NEUROD4: variants seen among roughly 807,000 people sequenced by gnomAD.
NEUROD4 encodes the protein neuronal differentiation 4, also known as neurogenic differentiation factor 4.
A neutral mutation model predicts 19.8 loss-of-function variants in NEUROD4; 16 were observed. The observed-to-expected ratio is 0.81, with a 90% CI of 0.55 to 1.23. The LOEUF (loss-of-function observed/expected upper bound fraction) is 1.23, where lower values mean the gene tolerates loss of function less well. Among genes scored for constraint, NEUROD4 ranks in the 50% most tolerant of loss-of-function variants. The pLI, the probability that NEUROD4 is intolerant of heterozygous loss-of-function variation, is 0.00. For synonymous variants in NEUROD4, 153 were observed against 147.9 expected, an observed-to-expected ratio of 1.03 and a Z score of -0.25; for missense variants, 439 against 398.6, an observed-to-expected ratio of 1.10 and a Z score of -0.86.
In NEUROD4 at chr12:55,024,629, C is replaced by T. The variant is rs192783923; in HGVS notation, c.-9-1802C>T. ...CAGAAAGTTAATTAGGTTCTTTACC[C>T]TCCCTCTGGATATCTGCCTGAGTTA... On this transcript the variant is annotated intron_variant, in intron 1 of 1. Coordinates refer to ENST00000242994, the MANE Select transcript of NEUROD4 (RefSeq NM_021191.3). Among the ~76,000 whole-genome samples the T allele has an allele frequency of 4.1e-3, 623 of 152,318 alleles. 1 individual carries two copies. Among genetic ancestry groups the T allele is most frequent in the Middle Eastern group, 6.8e-3 (2 of 294 alleles).
At chr12:55,022,556 G>A (rs1376361225) in intron 1 of NEUROD4, among the ~76,000 whole-genome samples, 1 of 152,062 alleles carries the variant, frequency 6.6e-6, no homozygotes, top group African/African-American at 2.4e-5. Context: ...TCAGAGCTCT[G>A]CCATTTGGTT....
At position 55,026,493 on chromosome 12, in the gene NEUROD4, A is replaced by G; in HGVS notation, c.54A>G (p.Pro18=). Residue 18 remains proline (P), a synonymous_variant, in exon 2 of 2, where the codon CCA becomes CCG. Coordinates refer to ENST00000242994, the MANE Select transcript of NEUROD4 (RefSeq NM_021191.3). ...AGATGGGAGAGCTAGTCAACACACC[A>G]TCCTGGATGGATAAAGGTCTGGGCT... is the stretch of plus-strand genomic sequence containing the variant. ...SKEMGELVNT[P]SWMDKGLGSQ... 6.2e-7 allele frequency: 1 copy of G among 1,614,028 alleles called. No homozygotes were observed. The highest frequency in any genetic ancestry group is 1.1e-5 in the South Asian group (1 of 91,064).
rs1952737894 is a variant in NEUROD4, at chr12:55,026,784, A to G, written c.345A>G (p.Pro115=). ...TGGATAACCTGAGGCGAGTCATGCC[A>G]TGCTACTCTAAAACCCAAAAACTTT... ...DALDNLRRVM[P]CYSKTQKLSK... Residue 115 remains proline (P), a synonymous_variant, in exon 2 of 2, where the codon CCA becomes CCG. Transcript: ENST00000242994. 3.7e-6 allele frequency: 6 copies of G among 1,614,170 alleles called. No individual in the cohort carries two copies. Among genetic ancestry groups the G allele is most frequent in the Non-Finnish European group, 5.1e-6 (6 of 1,180,018 alleles).
At position 55,026,791 on chromosome 12, in the gene NEUROD4, T is replaced by C. The variant is rs917452012; in HGVS notation, c.352T>C (p.Ser118Pro). 6.2e-7 allele frequency: 1 copy of C among 1,614,146 alleles called. No homozygotes were observed. Among genetic ancestry groups the C allele is most frequent in the East Asian group, 2.2e-5 (1 of 44,884 alleles). ...CCTGAGGCGAGTCATGCCATGCTAC[T>C]CTAAAACCCAAAAACTTTCCAAGAT... ...DNLRRVMPCY[S>P]KTQKLSKIET... Residue 118 changes from serine (S) to proline (P), a missense_variant, in exon 2 of 2, where the codon TCT (serine) becomes CCT (proline). Physicochemically the swap from Ser to Pro is moderately conservative, Grantham distance 74. Coordinates refer to ENST00000242994, the MANE Select transcript of NEUROD4 (RefSeq NM_021191.3).
intron 1 of NEUROD4, among the ~76,000 whole-genome samples, chr12:55,023,129 C>T (rs765313342): frequency 6.6e-6 from 1 of 151,964 alleles, no homozygotes; most frequent in Non-Finnish European, 1.5e-5. Flanking sequence ...TGAAACTGGC[C>T]TAAATTCATG....
intron 1 of NEUROD4, among the ~76,000 whole-genome samples, chr12:55,022,232 C>T (rs1952678206): frequency 6.6e-6 from 1 of 152,044 alleles, no homozygotes; most frequent in Non-Finnish European, 1.5e-5. Flanking sequence ...GTCTTGGTTC[C>T]ATGCTTCTTT....
rs544701324 is a variant in NEUROD4, at chr12:55,028,964, C to G, written c.*1529C>G. 7.8e-5 allele frequency: 13 copies of G among 167,022 alleles called. No homozygotes were observed. Among genetic ancestry groups the G allele is most frequent in the African/African-American group, 3.1e-4 (13 of 41,526 alleles). The allele number at this position is 167,022 out of a possible 1,614,324, so 10.3% of individuals were successfully genotyped here. On this transcript the variant is annotated 3_prime_UTR_variant, in exon 2 of 2. Coordinates refer to ENST00000242994, the MANE Select transcript of NEUROD4 (RefSeq NM_021191.3). ...GCCAGGACAGTTATTTAAGTCAAAC[C>G]AGAGCCTGAATGGCTTATTTGATAG...
Position 55,027,163 on chromosome 12 carries a change from C to T in NEUROD4, c.724C>T (p.Pro242Ser). ...AGAATCGTCCTTTGGGAGCCATCTG[C>T]CTGACTGCAGTACACCCCCTTATGA... ...LGESSFGSHLPDCSTPPYEGP... is the reference protein window; with the variant it reads ...LGESSFGSHLSDCSTPPYEGP... Residue 242 changes from proline (P) to serine (S), a missense_variant, in exon 2 of 2, where the codon CCT (proline) becomes TCT (serine). Physicochemically the swap from Pro to Ser is moderately conservative, Grantham distance 74. Coordinates refer to ENST00000242994, the MANE Select transcript of NEUROD4 (RefSeq NM_021191.3). 6.2e-7 allele frequency: 1 copy of T among 1,614,154 alleles called. No individual in the cohort carries two copies. Among genetic ancestry groups the T allele is most frequent in the Non-Finnish European group, 8.5e-7 (1 of 1,180,018 alleles).
intron 1 of NEUROD4, among the ~76,000 whole-genome samples, chr12:55,025,600 C>T (rs1177064048): frequency 2.0e-5 from 3 of 152,230 alleles, no homozygotes; most frequent in Admixed American, 6.5e-5. Context: ...TTCAAGATGC[C>T]ATGTCACTAA....
chr12:55,021,849 G>A (rs780273833), intron 1 of NEUROD4, among the ~76,000 whole-genome samples: 2 of 152,108 alleles, frequency 1.3e-5, no homozygotes, highest in Non-Finnish European at 2.9e-5. Context: ...ATGTGTATGT[G>A]TAGGGAAGGG....
At chr12:55,025,614 T>A (rs1049104156) in intron 1 of NEUROD4, among the ~76,000 whole-genome samples, 1 of 152,210 alleles carries the variant, frequency 6.6e-6, no homozygotes, top group African/African-American at 2.4e-5. Context: ...TCACTAACAC[T>A]TCTAACATAA....
At position 55,028,741 on chromosome 12, in the gene NEUROD4, T is replaced by G. The variant is rs1488234803; in HGVS notation, c.*1306T>G. On this transcript the variant is annotated 3_prime_UTR_variant, in exon 2 of 2. Coordinates refer to ENST00000242994, the MANE Select transcript of NEUROD4 (RefSeq NM_021191.3). Reference sequence around the variant, plus strand: ...TAAATAACATTTCAGGTGACCAAACTTAAGGATGCAGAAATGAAATCCAAG... The same window carrying G: ...TAAATAACATTTCAGGTGACCAAACGTAAGGATGCAGAAATGAAATCCAAG... 6.0e-6 allele frequency: 1 copy of G among 167,098 alleles called. No individual in the cohort carries two copies. The highest frequency in any genetic ancestry group is 1.5e-5 in the Non-Finnish European group (1 of 68,120). The allele number at this position is 167,098 out of a possible 1,614,324, so 10.4% of individuals were successfully genotyped here.
chr12:55,026,742 T>C lies in NEUROD4; in HGVS notation c.303T>C (p.His101=), dbSNP rs1261725648. 6.2e-7 allele frequency: 1 copy of C among 1,614,188 alleles called. No homozygotes were observed. ...KANARERTRM[H]GLNDALDNLR... ...ATGCCAGAGAACGGACCCGGATGCA[T>C]GGCCTGAATGACGCCCTGGATAACC... is the stretch of plus-strand genomic sequence containing the variant. Residue 101 remains histidine, a synonymous_variant, in exon 2 of 2, where the codon CAT becomes CAC. Transcript: ENST00000242994.
intron 1 of NEUROD4, among the ~76,000 whole-genome samples, chr12:55,021,173 T>A (rs546484388): frequency 1.3e-5 from 2 of 152,154 alleles, no homozygotes; most frequent in African/African-American, 2.4e-5. Flanking sequence ...TGTATGTGCA[T>A]GCATGTACAT....
intron 1 of NEUROD4, among the ~76,000 whole-genome samples, chr12:55,025,990 A>C (rs181087591): frequency 2.0e-5 from 3 of 152,132 alleles, no homozygotes; most frequent in Admixed American, 1.3e-4. Flanking sequence ...TGGGTTTTTT[A>C]TTTTGTAGTA....
chr12:55,027,542 C>A lies in NEUROD4; in HGVS notation c.*107C>A. Reference sequence around the variant, plus strand: ...TTAAAGGATCCCTATGGATATATATCAAACAATAGTTCAAGTCCATTTAGG... The same window carrying A: ...TTAAAGGATCCCTATGGATATATATAAAACAATAGTTCAAGTCCATTTAGG... On this transcript the variant is annotated 3_prime_UTR_variant, in exon 2 of 2. Coordinates refer to ENST00000242994, the MANE Select transcript of NEUROD4 (RefSeq NM_021191.3). 1 of 1,060,168 alleles carries A rather than the reference C, an allele frequency of 9.4e-7. No individual in the cohort carries two copies. The highest frequency in any genetic ancestry group is 1.4e-6 in the Non-Finnish European group (1 of 721,818). 65.7% of individuals were successfully genotyped at this position (1,060,168 alleles called of 1,614,324 possible).
At position 55,027,028 on chromosome 12, in the gene NEUROD4, A is replaced by G. The variant is rs963332951; in HGVS notation, c.589A>G (p.Ile197Val). 10 of 1,614,164 alleles carry G rather than the reference A, an allele frequency of 6.2e-6. No homozygotes were observed. Among genetic ancestry groups the G allele is most frequent in the Middle Eastern group, 1.6e-4 (1 of 6,062 alleles). ...TAAATCTCCTATTTGTGACTCTGCCATCTCTGTCCACAACTTCAACTATCA... is the reference window on the plus strand; with the variant it reads ...TAAATCTCCTATTTGTGACTCTGCCGTCTCTGTCCACAACTTCAACTATCA... ...EDKSPICDSA[I>V]SVHNFNYQSP... is the part of the protein sequence containing the mutation. Residue 197 changes from isoleucine (I) to valine (V), a missense_variant, in exon 2 of 2, where the codon ATC (isoleucine) becomes GTC (valine). By Grantham distance (29) the Ile-to-Val change is conservative. Transcript: ENST00000242994.
Position 55,026,665 on chromosome 12 carries a change from A to G in NEUROD4, c.226A>G (p.Lys76Glu), listed in dbSNP as rs1952735002. ...TAAGAGAAGGGGTCCCAAGAAAAAG[A>G]AGATGACCAAAGCTCGCCTTGAGAG... ...KPKRRGPKKK[K>E]MTKARLERFR... Residue 76 changes from lysine to glutamate, a missense_variant, in exon 2 of 2, where the codon AAG (lysine) becomes GAG (glutamate). Physicochemically the swap from Lys to Glu is moderately conservative, Grantham distance 56. Coordinates refer to ENST00000242994, the MANE Select transcript of NEUROD4 (RefSeq NM_021191.3). 1.9e-6 allele frequency: 3 copies of G among 1,614,146 alleles called. No homozygotes were observed. Among genetic ancestry groups the G allele is most frequent in the Non-Finnish European group, 2.5e-6 (3 of 1,180,016 alleles).
rs1952750752 is a variant in NEUROD4 at position 55,027,626 on chromosome 12, A to T, written c.*191A>T. 1 of 569,134 alleles carries T rather than the reference A, an allele frequency of 1.8e-6. No homozygotes were observed. The highest frequency in any genetic ancestry group is 1.9e-5 in the African/African-American group (1 of 52,310). The allele number at this position is 569,134 out of a possible 1,614,324, so 35.3% of individuals were successfully genotyped here. On this transcript the variant is annotated 3_prime_UTR_variant, in exon 2 of 2. Coordinates refer to ENST00000242994, the MANE Select transcript of NEUROD4 (RefSeq NM_021191.3). ...CTTCTCACATTGCATTGATTTCTTT[A>T]TAGAGTCCTCAAGTGAAAATATTTG... is the stretch of plus-strand genomic sequence containing the variant.
Sources: gnomAD v4.1 joint callset for allele counts (sites outside exome capture counted in the v4.1 genomes callset) on GRCh38, gnomAD v4.1.1 for gene constraint, MANE v1.5 for transcripts, NCBI Gene and HGNC (gene_info 2026-07-23, HGNC 2026-07-21) for gene names.